FSTL5: variants seen among roughly 807,000 people sequenced by gnomAD.
FSTL5 encodes follistatin-related protein 5.
A neutral mutation model predicts 89.1 loss-of-function variants in FSTL5; 62 were observed. The observed-to-expected ratio is 0.70, with a 90% CI of 0.57 to 0.86. The LOEUF is 0.86. FSTL5 is among the 40% of genes least tolerant of loss of function. The pLI is 0.00. For synonymous variants in FSTL5, 383 were observed against 346.2 expected (o/e 1.11, Z -1.18); for missense variants, 1,057 against 1,001.6 (o/e 1.06, Z -0.75).
At chr4:161,797,771 A>G (rs1298539552) in intron 4 of FSTL5, among the ~76,000 whole-genome samples, 1 of 151,674 alleles carries the variant, frequency 6.6e-6, no homozygotes, top group Non-Finnish European at 1.5e-5. Flanking sequence ...CTTCGTTAAT[A>G]TGATATTTTT....
chr4:162,146,191 T>G (rs1483927218), intron 1 of FSTL5, among the ~76,000 whole-genome samples: 1 of 152,186 alleles, frequency 6.6e-6, no homozygotes, highest in African/African-American at 2.4e-5. Context: ...TGAATGGAGA[T>G]ATCTATGTAA....
chr4:161,407,579 C>G (rs1008008711), intron 15 of FSTL5, among the ~76,000 whole-genome samples: 1 of 139,986 alleles, frequency 7.1e-6, no homozygotes, highest in African/African-American at 2.6e-5. Flanking sequence ...CATACCCCCA[C>G]AGACCTATGA....
chr4:162,132,980 T>C (rs1732365708), intron 1 of FSTL5, among the ~76,000 whole-genome samples: 1 of 152,216 alleles, frequency 6.6e-6, no homozygotes, highest in Non-Finnish European at 1.5e-5. Context: ...TCTCGCTCTG[T>C]CGCCCAGGCT....
chr4:161,744,085 GT>G (rs200505368), intron 6 of FSTL5, among the ~76,000 whole-genome samples: 3 of 151,124 alleles, frequency 2.0e-5, no homozygotes, highest in Non-Finnish European at 3.0e-5. Context: ...AACAGAAGGT[GT>G]TTTTTTTTAA....
At chr4:162,036,295 G>T (rs766429599) in intron 2 of FSTL5, among the ~76,000 whole-genome samples, 33 of 152,018 alleles carry the variant, frequency 2.2e-4, no homozygotes, top group Non-Finnish European at 4.3e-4. Flanking sequence ...TTACTTTCTT[G>T]ACCATCTTTT....
At chr4:161,925,731 A>G (rs1041713057) in intron 3 of FSTL5, among the ~76,000 whole-genome samples, 1 of 151,884 alleles carries the variant, frequency 6.6e-6, no homozygotes, top group African/African-American at 2.4e-5. Flanking sequence ...GATTTGGTAC[A>G]TAGAACATAT....
intron 13 of FSTL5, among the ~76,000 whole-genome samples, chr4:161,460,258 C>T (rs1172075523): frequency 1.3e-5 from 2 of 150,860 alleles, no homozygotes; most frequent in East Asian, 3.9e-4. Flanking sequence ...TATTATTATA[C>T]TTTAAGCTCT....
At chr4:162,006,482 A>G (rs147795134) in intron 3 of FSTL5, among the ~76,000 whole-genome samples, 1,935 of 152,084 alleles carry the variant, frequency 0.013, 23 homozygotes, top group Non-Finnish European at 0.018. Flanking sequence ...CAAGTGTTCT[A>G]TATTTCTTGT....
chr4:161,677,331 T>G (rs987008090), intron 6 of FSTL5, among the ~76,000 whole-genome samples: 2 of 151,644 alleles, frequency 1.3e-5, no homozygotes, highest in African/African-American at 2.4e-5. Context: ...GAGAAAGAAG[T>G]TAGAAGAGTA....
intron 7 of FSTL5, among the ~76,000 whole-genome samples, chr4:161,641,284 A>G (rs531932776): frequency 1.3e-5 from 2 of 152,330 alleles, no homozygotes; most frequent in East Asian, 3.9e-4. Context: ...AAGCTCAATT[A>G]TCATAACTTT....
chr4:161,987,470 G>GTGTA lies in FSTL5; in HGVS notation c.160+46154_160+46155insTACA, dbSNP rs1291127634. ...TTAACAGCTCACTTTATATATATAT[G>GTGTA]TATATATATATATATACATACATAT... On this transcript the variant is annotated intron_variant, in intron 3 of 15. Coordinates refer to ENST00000306100, the MANE Select transcript of FSTL5 (RefSeq NM_020116.5). Among the ~76,000 whole-genome samples the GTGTA allele has an allele frequency of 6.9e-5, 9 of 130,130 alleles. No individual in the cohort carries two copies. The East Asian group carries it at 1.4e-3, about 21-fold the overall frequency. The allele number at this position is 130,130 out of a possible 152,430, so 85.4% of individuals were successfully genotyped here. A position where few individuals can be genotyped will look rare whatever the true frequency, so the allele number is the denominator to read the frequency against.
intron 6 of FSTL5, among the ~76,000 whole-genome samples, chr4:161,743,339 T>C (rs1000094012): frequency 6.6e-6 from 1 of 152,176 alleles, no homozygotes; most frequent in Non-Finnish European, 1.5e-5. Context: ...TGAAAACTGT[T>C]AGACAATGTA....
In FSTL5 at chr4:161,943,802, G is replaced by A. The variant is rs190748410; in HGVS notation, c.161-23150C>T. Among the ~76,000 whole-genome samples the A allele has an allele frequency of 3.0e-4, 46 of 151,906 alleles. No homozygotes were observed. The East Asian group carries it at 8.1e-3, about 27-fold the overall frequency. On this transcript the variant is annotated intron_variant, in intron 3 of 15. Transcript: ENST00000306100. ...GATCTCCTGACCTCGTGATCTGCCC[G>A]TCTTGGCCTCCCAAAGTGCTAGGAT...
At chr4:161,753,701 A>G (rs1740474309) in intron 6 of FSTL5, among the ~76,000 whole-genome samples, 1 of 152,174 alleles carries the variant, frequency 6.6e-6, no homozygotes, top group African/African-American at 2.4e-5. Flanking sequence ...TCCCTGGAGA[A>G]TGAGTTCTAT....
At chr4:161,827,538 C>T (rs150970917) in intron 4 of FSTL5, among the ~76,000 whole-genome samples, 69 of 152,230 alleles carry the variant, frequency 4.5e-4, no homozygotes, top group African/African-American at 1.6e-3. Flanking sequence ...CCTTTGTCTT[C>T]GACTACCAGG....
intron 7 of FSTL5, among the ~76,000 whole-genome samples, chr4:161,615,831 T>C (rs989390146): frequency 3.3e-5 from 5 of 152,272 alleles, no homozygotes; most frequent in Non-Finnish European, 7.4e-5. Flanking sequence ...ACTATTATTA[T>C]ATTTCTGACA....
chr4:161,860,865 G>A (rs1318964167), intron 4 of FSTL5, among the ~76,000 whole-genome samples: 1 of 151,846 alleles, frequency 6.6e-6, no homozygotes, highest in Non-Finnish European at 1.5e-5. Context: ...GAAAGATGTT[G>A]GACAAGTATT....
chr4:161,668,885 G>T (rs1203502410), intron 6 of FSTL5, among the ~76,000 whole-genome samples: 1 of 152,068 alleles, frequency 6.6e-6, no homozygotes, highest in Non-Finnish European at 1.5e-5. Context: ...GCTGAGGTGG[G>T]TGGATCACCT....
At chr4:161,460,116 C>A (rs940502625) in intron 13 of FSTL5, among the ~76,000 whole-genome samples, 1 of 151,938 alleles carries the variant, frequency 6.6e-6, no homozygotes, top group Non-Finnish European at 1.5e-5. Flanking sequence ...TATTTTCTAA[C>A]TATGTAGCAT....
Sources: allele counts gnomAD v4.1 joint callset (sites outside exome capture counted in the v4.1 genomes callset), GRCh38; gene constraint gnomAD v4.1.1; transcripts MANE v1.5; gene names NCBI Gene and HGNC (gene_info 2026-07-23, HGNC 2026-07-21).